Variants in TEX15 observed in about 807,000 individuals in gnomAD.
TEX15 encodes the protein testis expressed 15, meiosis and synapsis associated.
A neutral mutation model predicts 237.3 loss-of-function variants in TEX15; 171 were observed. That is an observed-to-expected ratio of 0.72 (90% CI 0.64 to 0.82). The LOEUF is 0.82. Ranked by LOEUF, TEX15 falls within the 40% of genes least tolerant of loss-of-function variation. The pLI, the probability that TEX15 is intolerant of heterozygous loss-of-function variation, is 0.00. For synonymous variants in TEX15, 1,338 were observed against 1,269.8 expected, an observed-to-expected ratio of 1.05 and a Z score of -1.14; for missense variants, 3,750 against 3,646.5, an observed-to-expected ratio of 1.03 and a Z score of -0.73.
chr8:30,879,903 C>T (rs1395810510), intron 3 of TEX15, among the ~76,000 whole-genome samples: 1 of 149,376 alleles, frequency 6.7e-6, no homozygotes, highest in Non-Finnish European at 1.5e-5. Flanking sequence ...GAGCACACTA[C>T]ATCTCTCCAT....
rs751179386 is a variant in TEX15, at chr8:30,844,193, T to C, written c.5974A>G (p.Asn1992Asp). 6.2e-7 allele frequency: 1 copy of C among 1,612,008 alleles called. No homozygotes were observed. Among genetic ancestry groups the C allele is most frequent in the African/African-American group, 1.3e-5 (1 of 74,792 alleles). Reference sequence around the variant, plus strand: ...AGATTAGCTATAAGGGCCGTATGATTAGCTGAGCAATGTTTTTCTTTAAAA... The same window carrying C: ...AGATTAGCTATAAGGGCCGTATGATCAGCTGAGCAATGTTTTTCTTTAAAA... ...SDFKEKHCSA[N>D]HTALIANLSQ... The change falls in exon 8 of 11, where the codon AAT becomes GAT. Residue 1992 changes from asparagine to aspartate, a missense_variant. Physicochemically the swap from Asn to Asp is conservative, Grantham distance 23. Transcript: ENST00000643185.
intron 7 of TEX15, among the ~76,000 whole-genome samples, chr8:30,856,025 A>T (rs1194868619): frequency 6.6e-6 from 1 of 151,930 alleles, no homozygotes; most frequent in Non-Finnish European, 1.5e-5. Context: ...GGCTCACTGC[A>T]TCCTCTGACC....
rs142904077 is a variant in TEX15, at chr8:30,901,312, T to C, written c.-85-2495A>G. On this transcript the variant is annotated intron_variant, in intron 1 of 10. Transcript: ENST00000643185. The stretch of plus-strand genomic sequence containing the variant: ...GAAAATATTTAACTAAAGTTCCTAT[T>C]AAATACAAGAATTCTGTATTGATTA... 4.0e-3 allele frequency among the ~76,000 whole-genome samples: 607 copies of C among 152,324 alleles called. 2 individuals carry two copies. The highest frequency in any genetic ancestry group is 0.012 in the African/African-American group (503 of 41,566).
In TEX15 at chr8:30,831,803, C is replaced by T. The variant is rs1807184836; in HGVS notation, c.*1483G>A. On this transcript the variant is annotated 3_prime_UTR_variant, in exon 11 of 11. Coordinates refer to ENST00000643185, the MANE Select transcript of TEX15 (RefSeq NM_001350162.2). Reference sequence around the variant, plus strand: ...CCATAACCAAACATAAACCAAATGACTGAGGGAAACATAAATCAAATGGCT... The same window carrying T: ...CCATAACCAAACATAAACCAAATGATTGAGGGAAACATAAATCAAATGGCT... 1.3e-5 allele frequency: 2 copies of T among 152,086 alleles called. No homozygotes were observed. The highest frequency in any genetic ancestry group is 4.1e-4 in the South Asian group (2 of 4,830). 9.4% of individuals were successfully genotyped at this position (152,086 alleles called of 1,614,324 possible). A position where few individuals can be genotyped will look rare whatever the true frequency, so the allele number is the denominator to read the frequency against.
intron 1 of TEX15, among the ~76,000 whole-genome samples, chr8:30,900,311 G>A (rs754862134): frequency 1.3e-5 from 2 of 152,168 alleles, no homozygotes; most frequent in Non-Finnish European, 2.9e-5. Context: ...ATTAAAATGA[G>A]AGACTGGCAT....
intron 1 of TEX15, among the ~76,000 whole-genome samples, chr8:30,905,535 G>C (rs1403330244): frequency 6.6e-6 from 1 of 151,936 alleles, no homozygotes; most frequent in Non-Finnish European, 1.5e-5. Context: ...TTATTTTTAA[G>C]AGAAAATTAT....
Position 30,849,225 on chromosome 8 carries a change from A to G in TEX15, c.942T>C (p.Pro314=). ...ATVTFVHFKK[P]VDPFVQENCL... Reference sequence around the variant, plus strand: ...AGTTTTCTTGAACAAATGGATCTACAGGTTTCTTGAAATGCACAAAGGTGA... The same window carrying G: ...AGTTTTCTTGAACAAATGGATCTACGGGTTTCTTGAAATGCACAAAGGTGA... Residue 314 remains proline, a synonymous_variant, in exon 8 of 11, where the codon CCT becomes CCC. Transcript: ENST00000643185. The G allele has an allele frequency of 2.6e-6, 4 of 1,536,278 alleles. No individual in the cohort carries two copies. The highest frequency in any genetic ancestry group is 3.5e-6 in the Non-Finnish European group (4 of 1,146,872).
chr8:30,847,681 T>C lies in TEX15; in HGVS notation c.2486A>G (p.Tyr829Cys). ...NIQRDYKETA[Y>C]VEDRGQDHNL... Reference sequence around the variant, plus strand: ...GTGATCCTGACCCCTATCTTCAACATAAGCAGTTTCTTTATAGTCTCTCTG... The same window carrying C: ...GTGATCCTGACCCCTATCTTCAACACAAGCAGTTTCTTTATAGTCTCTCTG... Residue 829 changes from tyrosine (Y) to cysteine (C), a missense_variant, in exon 8 of 11, where the codon TAT becomes TGT. Transcript: ENST00000643185. 1 of 1,613,932 alleles carries C rather than the reference T, an allele frequency of 6.2e-7. No individual in the cohort carries two copies. The highest frequency in any genetic ancestry group is 8.5e-7 in the Non-Finnish European group (1 of 1,179,916).
intron 3 of TEX15, among the ~76,000 whole-genome samples, chr8:30,886,308 T>C (rs555033295): frequency 6.6e-6 from 1 of 152,184 alleles, no homozygotes; most frequent in African/African-American, 2.4e-5. Context: ...AGGGCCTCCA[T>C]TTATACCCTG....
intron 1 of TEX15, among the ~76,000 whole-genome samples, chr8:30,903,372 C>A (rs1251075141): frequency 6.6e-6 from 1 of 152,142 alleles, no homozygotes; most frequent in Non-Finnish European, 1.5e-5. Context: ...AGTTAAGGGG[C>A]CCCCAGGGGT....
rs753885849 is a variant in TEX15, at chr8:30,842,747, T to C, written c.7420A>G (p.Met2474Val). ...KKLDKQRFRGMLWFDLSLLPE... is the reference protein window; with the variant it reads ...KKLDKQRFRGVLWFDLSLLPE... ...AGAAGTGACAAATCAAACCAAAGCA[T>C]ACCTCGAAACCTCTGTTTGTCTAGT... The change falls in exon 8 of 11, where the codon ATG becomes GTG. Residue 2474 changes from methionine to valine, a missense_variant. Met to Val is a conservative substitution (Grantham distance 21). Coordinates refer to ENST00000643185, the MANE Select transcript of TEX15 (RefSeq NM_001350162.2). The C allele has an allele frequency of 6.2e-7, 1 of 1,613,540 alleles. No homozygotes were observed. The highest frequency in any genetic ancestry group is 1.1e-5 in the South Asian group (1 of 91,022).
At chr8:30,866,919 TATA>T (rs1808181975) in intron 5 of TEX15, among the ~76,000 whole-genome samples, 1 of 152,026 alleles carries the variant, frequency 6.6e-6, no homozygotes, top group South Asian at 2.1e-4. Flanking sequence ...CCAAAATTAA[TATA>T]ATGCTTTAGG....
At chr8:30,867,530 T>C (rs1160664007) in intron 4 of TEX15, 28 bp from the exon 5 acceptor site, 22 of 1,364,976 alleles carry the variant, frequency 1.6e-5, no homozygotes, top group Non-Finnish European at 2.2e-5. Context: ...ATGTATACAG[T>C]TAAAGATAAA....
chr8:30,838,046 A>G lies in TEX15; in HGVS notation c.8238T>C (p.His2746=). ...TFKHPRTTGS[H]PKSENKIVPS... is the part of the protein sequence containing the mutation. ...GTACTATTTTGTTTTCGCTTTTGGGATGAGATCCTGTAGTCCTATTAGGTG... is the reference window on the plus strand; with the variant it reads ...GTACTATTTTGTTTTCGCTTTTGGGGTGAGATCCTGTAGTCCTATTAGGTG... The change falls in exon 10 of 11, where the codon CAT becomes CAC. Residue 2746 remains histidine, a synonymous_variant. Transcript: ENST00000643185. The G allele has an allele frequency of 6.2e-7, 1 of 1,611,978 alleles. No individual in the cohort carries two copies.
chr8:30,847,724 C>T lies in TEX15; in HGVS notation c.2443G>A (p.Val815Met). ...TCTCTCTGAATGTTCTCTAATGACACTGGTTCATTTTCATTTTTCCTATGG... is the reference window on the plus strand; with the variant it reads ...TCTCTCTGAATGTTCTCTAATGACATTGGTTCATTTTCATTTTTCCTATGG... ...CVHRKNENEPVSLENIQRDYK... is the reference protein window; with the variant it reads ...CVHRKNENEPMSLENIQRDYK... Residue 815 changes from valine to methionine, a missense_variant, in exon 8 of 11, where the codon GTG (valine) becomes ATG (methionine). Physicochemically the swap from Val to Met is conservative, Grantham distance 21. Coordinates refer to ENST00000643185, the MANE Select transcript of TEX15 (RefSeq NM_001350162.2). The T allele has an allele frequency of 6.2e-7, 1 of 1,613,786 alleles. No homozygotes were observed. The highest frequency in any genetic ancestry group is 2.2e-5 in the East Asian group (1 of 44,856).
intron 3 of TEX15, among the ~76,000 whole-genome samples, chr8:30,885,242 T>G (rs1291940029): frequency 6.6e-6 from 1 of 152,128 alleles, no homozygotes. Flanking sequence ...TCACCTTGTA[T>G]CTCCCATAAT....
In TEX15 at chr8:30,846,388, G is replaced by T. The variant is rs143812503; in HGVS notation, c.3779C>A (p.Ser1260Tyr). The stretch of plus-strand genomic sequence containing the variant: ...GACATTAGAAGGTTCAGTAAACAAA[G>T]ATTCACTGTTCTGATTTTCAGACGT... ...NHTSENQNSESLFTEPSNVTT... is the reference protein window; with the variant it reads ...NHTSENQNSEYLFTEPSNVTT... The change falls in exon 8 of 11, where the codon TCT (serine) becomes TAT (tyrosine). Residue 1260 changes from serine to tyrosine, a missense_variant. By Grantham distance (144) the Ser-to-Tyr change is moderately radical. Transcript: ENST00000643185. 10 of 1,613,188 alleles carry T rather than the reference G, an allele frequency of 6.2e-6. No homozygotes were observed. Among genetic ancestry groups the T allele is most frequent in the Admixed American group, 1.7e-5 (1 of 59,960 alleles).
chr8:30,905,013 A>C (rs1027865400), intron 1 of TEX15, among the ~76,000 whole-genome samples: 3 of 152,186 alleles, frequency 2.0e-5, no homozygotes, highest in Admixed American at 2.0e-4. Context: ...TTAGGTACTT[A>C]CATTAAATGT....
At chr8:30,882,478 G>A (rs1808552042) in intron 3 of TEX15, among the ~76,000 whole-genome samples, 1 of 152,088 alleles carries the variant, frequency 6.6e-6, no homozygotes, top group Non-Finnish European at 1.5e-5. Context: ...AGTAGAGACA[G>A]GGTTTCACCG....
Sources: gnomAD v4.1 joint callset for allele counts (sites outside exome capture counted in the v4.1 genomes callset) on GRCh38, gnomAD v4.1.1 for gene constraint, MANE v1.5 for transcripts, NCBI Gene and HGNC (gene_info 2026-07-23, HGNC 2026-07-21) for gene names.